The following DSCAM variants were observed in gnomAD, a reference collection of about 807,000 sequenced individuals.
DSCAM encodes the protein DS cell adhesion molecule.
A neutral mutation model predicts 217.7 loss-of-function variants in DSCAM; 47 were observed. The observed-to-expected ratio is 0.22, with a 90% CI of 0.17 to 0.28. The LOEUF (loss-of-function observed/expected upper bound fraction) is 0.28, where lower values mean the gene tolerates loss of function less well. Ranked by LOEUF, DSCAM falls within the 10% of genes least tolerant of loss-of-function variation. The pLI, the probability that DSCAM is intolerant of heterozygous loss-of-function variation, is 1.00. For synonymous variants in DSCAM, 1,056 were observed against 1,015.3 expected, an observed-to-expected ratio of 1.04 and a Z score of -0.76; for missense variants, 2,080 against 2,618.3, an observed-to-expected ratio of 0.79 and a Z score of 4.49.
chr21:40,846,224 C>T (rs750312844), intron 1 of DSCAM, among the ~76,000 whole-genome samples: 4 of 151,972 alleles, frequency 2.6e-5, no homozygotes, highest in Non-Finnish European at 5.9e-5. Context: ...CCTCATTGAC[C>T]CCTCCACTTG....
At chr21:40,402,661 T>A (rs2075247112) in intron 3 of DSCAM, among the ~76,000 whole-genome samples, 1 of 149,614 alleles carries the variant, frequency 6.7e-6, no homozygotes, top group African/African-American at 2.5e-5. Flanking sequence ...AAAATTGACA[T>A]TGTCTTTTTT....
At chr21:40,075,882 T>C (rs746817253) in intron 26 of DSCAM, among the ~76,000 whole-genome samples, 1 of 152,154 alleles carries the variant, frequency 6.6e-6, no homozygotes, top group African/African-American at 2.4e-5. Flanking sequence ...AAGGAAACAC[T>C]GAAGGAAGAT....
chr21:40,323,656 C>G (rs1200845194), intron 8 of DSCAM, among the ~76,000 whole-genome samples: 1 of 152,114 alleles, frequency 6.6e-6, no homozygotes, highest in Non-Finnish European at 1.5e-5. Flanking sequence ...GTGTTCTGAG[C>G]AAAAATTCAG....
intron 8 of DSCAM, among the ~76,000 whole-genome samples, chr21:40,327,290 C>T (rs548095522): frequency 6.6e-6 from 1 of 152,186 alleles, no homozygotes; most frequent in African/African-American, 2.4e-5. Flanking sequence ...TAATTCTCTC[C>T]TTCTCTAAGT....
chr21:40,164,270 TG>T (rs1372094566), intron 16 of DSCAM, among the ~76,000 whole-genome samples: 1 of 152,114 alleles, frequency 6.6e-6, no homozygotes, highest in Non-Finnish European at 1.5e-5. Flanking sequence ...TGAGCAGGAA[TG>T]GACAGGAGAG....
At chr21:40,620,016 AAAAGAAAG>A (rs376239560) in intron 3 of DSCAM, among the ~76,000 whole-genome samples, 4 of 97,064 alleles carry the variant, frequency 4.1e-5, no homozygotes, top group African/African-American at 1.0e-4. Context: ...AGAAAAAAGA[AAAAGAAAG>A]AAAGAGAGAG....
chr21:40,012,925 A>C lies in DSCAM; in HGVS notation c.*109T>G, dbSNP rs1213163725. On this transcript the variant is annotated 3_prime_UTR_variant, in exon 33 of 33. Coordinates refer to ENST00000400454, the MANE Select transcript of DSCAM (RefSeq NM_001389.5). ...ATTTTCTCTTTTTTTTTTTTAATAT[A>C]TTTTGGCAATTTTCTTTAATTATAA... 1.4e-6 allele frequency: 1 copy of C among 740,570 alleles called. No homozygotes were observed. The highest frequency in any genetic ancestry group is 6.1e-5 in the South Asian group (1 of 16,290). 45.9% of individuals were successfully genotyped at this position (740,570 alleles called of 1,614,324 possible). A position where few individuals can be genotyped will look rare whatever the true frequency, so the allele number is the denominator to read the frequency against.
At position 40,652,866 on chromosome 21, in the gene DSCAM, G is replaced by A. The variant is rs139903382; in HGVS notation, c.508+39944C>T. ...TTATTCTTCTGGGACCCTGGGCCAC[G>A]CTGTGTCAGTTGAACCTCTGGAGGA... On this transcript the variant is annotated intron_variant, in intron 3 of 32. Transcript: ENST00000400454. Among the ~76,000 whole-genome samples, 366 of 152,288 alleles carry A rather than the reference G, an allele frequency of 2.4e-3. 3 individuals are homozygous for A. The highest frequency in any genetic ancestry group is 4.8e-3 in the South Asian group (23 of 4,822).
At chr21:40,688,263 T>G (rs541024609) in intron 3 of DSCAM, among the ~76,000 whole-genome samples, 2 of 152,244 alleles carry the variant, frequency 1.3e-5, no homozygotes, top group African/African-American at 4.8e-5. Flanking sequence ...CCTGGTGAGA[T>G]TCTCACAATT....
At chr21:40,512,745 C>G (rs1388163831) in intron 3 of DSCAM, among the ~76,000 whole-genome samples, 1 of 152,098 alleles carries the variant, frequency 6.6e-6, no homozygotes, top group Admixed American at 6.5e-5. Context: ...CTCTGACCTC[C>G]CTCGTTCACA....
chr21:40,080,193 C>T lies in DSCAM; in HGVS notation c.4379G>A (p.Gly1460Glu), dbSNP rs1384043577. 6.2e-7 allele frequency: 1 copy of T among 1,602,104 alleles called. No individual in the cohort carries two copies. Among genetic ancestry groups the T allele is most frequent in the Admixed American group, 1.7e-5 (1 of 57,894 alleles). ...TLTAQNGVGPGRISEIIEAKT... is the reference protein window; with the variant it reads ...TLTAQNGVGPERISEIIEAKT... ...TGCTTCTATGATTTCACTTATGCGC[C>T]CTGGGCCCACTCCATTTTGGGCTGT... The change falls in exon 25 of 33, where the codon GGG becomes GAG. Residue 1460 changes from glycine to glutamate, a missense_variant. This residue lies in a region of DSCAM where 1,144 missense variants were observed against 1,421.1 expected (regional missense o/e 0.81). Coordinates refer to ENST00000400454, the MANE Select transcript of DSCAM (RefSeq NM_001389.5).
intron 3 of DSCAM, among the ~76,000 whole-genome samples, chr21:40,493,143 A>G (rs2076089658): frequency 6.6e-6 from 1 of 152,234 alleles, no homozygotes; most frequent in Non-Finnish European, 1.5e-5. Context: ...AAAGGACATA[A>G]CTTTAATTGT....
At chr21:40,500,115 G>T (rs1417706883) in intron 3 of DSCAM, among the ~76,000 whole-genome samples, 2 of 152,144 alleles carry the variant, frequency 1.3e-5, no homozygotes, top group Non-Finnish European at 2.9e-5. Flanking sequence ...GAAAACTTCA[G>T]CAGTACTGGG....
At chr21:40,486,908 G>T (rs1055691689) in intron 3 of DSCAM, among the ~76,000 whole-genome samples, 18 of 152,198 alleles carry the variant, frequency 1.2e-4, no homozygotes, top group African/African-American at 3.9e-4. Flanking sequence ...GCTCCCTAGA[G>T]TACTTCTGCT....
At chr21:40,792,993 T>C (rs2091659892) in intron 1 of DSCAM, among the ~76,000 whole-genome samples, 1 of 152,238 alleles carries the variant, frequency 6.6e-6, no homozygotes, top group Non-Finnish European at 1.5e-5. Context: ...AGTTCTTAGA[T>C]GTATATTTAG....
intron 1 of DSCAM, among the ~76,000 whole-genome samples, chr21:40,823,314 C>CA (rs2091944554): frequency 6.6e-6 from 1 of 151,796 alleles, no homozygotes; most frequent in Admixed American, 6.6e-5. Context: ...CATTAAGCTG[C>CA]TCAACGAAAA....
At chr21:40,711,155 G>T (rs1032027193) in intron 1 of DSCAM, among the ~76,000 whole-genome samples, 1 of 152,188 alleles carries the variant, frequency 6.6e-6, no homozygotes, top group Non-Finnish European at 1.5e-5. Context: ...TGGCATAACA[G>T]TCCCCCCTCA....
intron 20 of DSCAM, among the ~76,000 whole-genome samples, chr21:40,103,362 G>T (rs936451223): frequency 6.6e-6 from 1 of 152,042 alleles, no homozygotes; most frequent in Non-Finnish European, 1.5e-5. Flanking sequence ...AAACAAAATT[G>T]ATAGCTCTTT....
intron 15 of DSCAM, among the ~76,000 whole-genome samples, chr21:40,169,282 G>A (rs1298885845): frequency 6.6e-6 from 1 of 152,152 alleles, no homozygotes; most frequent in Non-Finnish European, 1.5e-5. Context: ...CCTGATTGTT[G>A]CTTTTCTCAA....
Sources: allele counts gnomAD v4.1 joint callset (sites outside exome capture counted in the v4.1 genomes callset), GRCh38; gene constraint gnomAD v4.1.1; regional missense constraint gnomAD v4.1.1; transcripts MANE v1.5; gene names NCBI Gene and HGNC (gene_info 2026-07-23, HGNC 2026-07-21).